RUNX1: variants seen among roughly 807,000 people sequenced by gnomAD.
RUNX1 encodes the protein runt-related transcription factor 1.
Under a neutral mutation model 42.8 loss-of-function variants are expected in RUNX1, and 19 were observed. The ratio of observed to expected loss-of-function variants is 0.44; its 90% CI spans 0.31 to 0.65. The LOEUF (loss-of-function observed/expected upper bound fraction) is 0.65, where lower values mean the gene tolerates loss of function less well. Among genes scored for constraint, RUNX1 ranks in the 30% least tolerant of loss-of-function variants. The pLI is 0.07. For missense variants in RUNX1, 528 were observed against 672.0 expected, an observed-to-expected ratio of 0.79 and a Z score of 2.37; for synonymous variants, 271 against 289.4, an observed-to-expected ratio of 0.94 and a Z score of 0.64.
At position 34,792,023 on chromosome 21, in the gene RUNX1, G is replaced by T; in HGVS notation, c.*112C>A. On this transcript the variant is annotated 3_prime_UTR_variant, in exon 9 of 9. Transcript: ENST00000675419. The surrounding 1 kb of genome is among the most constrained non-coding windows in gnomAD (Gnocchi z 6.9). ...GTCGGGCGCCCTCGGCCCCAGGACG[G>T]TGGCCGGGCCCAGGGCCCGGGATCC... is the stretch of plus-strand genomic sequence containing the variant. 1 of 669,252 alleles carries T rather than the reference G, an allele frequency of 1.5e-6. No individual in the cohort carries two copies. The highest frequency in any genetic ancestry group is 2.3e-6 in the Non-Finnish European group (1 of 443,104). The allele number at this position is 669,252 out of a possible 1,614,324, so 41.5% of individuals were successfully genotyped here. A position where few individuals can be genotyped will look rare whatever the true frequency, so the allele number is the denominator to read the frequency against.
chr21:34,931,371 T>C (rs2058444766), intron 2 of RUNX1, among the ~76,000 whole-genome samples: 1 of 146,632 alleles, frequency 6.8e-6, no homozygotes, highest in African/African-American at 2.5e-5. Context: ...TATATGTGTA[T>C]ATATAATATA....
intron 7 of RUNX1, among the ~76,000 whole-genome samples, chr21:34,818,893 C>T (rs1164172121): frequency 2.0e-5 from 3 of 152,210 alleles, no homozygotes; most frequent in Non-Finnish European, 4.4e-5. Flanking sequence ...GCCCCTCTTT[C>T]GCCTAAGTGC....
chr21:34,887,743 C>T, intron 3 of RUNX1: 1 of 1,060,844 alleles, frequency 9.4e-7, no homozygotes, highest in Non-Finnish European at 1.1e-6. Flanking sequence ...ATTTACAATA[C>T]AATCTGTGGA....
intron 2 of RUNX1, among the ~76,000 whole-genome samples, chr21:35,042,497 G>C (rs2059366276): frequency 6.6e-6 from 1 of 152,198 alleles, no homozygotes; most frequent in Non-Finnish European, 1.5e-5. Flanking sequence ...GCTGGAAAGT[G>C]ACAACTCCAT....
intron 6 of RUNX1, among the ~76,000 whole-genome samples, chr21:34,840,607 T>C (rs1347834572): frequency 1.6e-5 from 1 of 60,724 alleles, no homozygotes; most frequent in Non-Finnish European, 3.1e-5. Flanking sequence ...TTTGTCTTTT[T>C]TCAGGCAGAC....
chr21:34,998,873 C>T (rs968313378), intron 2 of RUNX1, among the ~76,000 whole-genome samples: 11 of 152,168 alleles, frequency 7.2e-5, no homozygotes, highest in South Asian at 4.1e-4. Flanking sequence ...AAACCACAAA[C>T]GCTCTCACCC....
chr21:34,845,696 TC>T (rs2057305351), intron 6 of RUNX1, among the ~76,000 whole-genome samples: 1 of 147,470 alleles, frequency 6.8e-6, no homozygotes, highest in Admixed American at 6.7e-5. Context: ...CCCGCCCCAC[TC>T]CCTTCCCAGT....
intron 6 of RUNX1, among the ~76,000 whole-genome samples, chr21:34,854,251 A>G (rs1440439680): frequency 6.6e-6 from 1 of 152,248 alleles, no homozygotes; most frequent in East Asian, 1.9e-4. Context: ...CTCATATGAC[A>G]TGATCTCAAC....
intron 2 of RUNX1, among the ~76,000 whole-genome samples, chr21:35,022,636 T>C (rs1312415684): frequency 1.3e-5 from 2 of 152,148 alleles, no homozygotes; most frequent in African/African-American, 2.4e-5. Flanking sequence ...AGCTCAGGCC[T>C]GTAATCCCAG....
intron 2 of RUNX1, among the ~76,000 whole-genome samples, chr21:34,942,175 G>A (rs986014057): frequency 1.3e-5 from 2 of 152,102 alleles, no homozygotes; most frequent in Non-Finnish European, 2.9e-5. Flanking sequence ...GTGAGCCTGT[G>A]TGCTCACAGT....
At chr21:35,030,617 C>G (rs2059266344) in intron 2 of RUNX1, among the ~76,000 whole-genome samples, 1 of 152,152 alleles carries the variant, frequency 6.6e-6, no homozygotes, top group South Asian at 2.1e-4. Context: ...AACTATAAAA[C>G]TACTGGAAGA....
chr21:35,021,950 G>C (rs1350833358), intron 2 of RUNX1, among the ~76,000 whole-genome samples: 1 of 152,192 alleles, frequency 6.6e-6, no homozygotes, highest in East Asian at 1.9e-4. Flanking sequence ...CTTCCAAAAG[G>C]GTAGGAGTTC....
At chr21:34,969,765 C>CA (rs150978735) in intron 2 of RUNX1, among the ~76,000 whole-genome samples, 5,495 of 124,620 alleles carry the variant, frequency 0.044, 199 homozygotes, top group East Asian at 0.21. Context: ...TCAGTTAAAG[C>CA]AAAAAAAAAA....
chr21:34,830,536 G>A (rs953423052), intron 7 of RUNX1, among the ~76,000 whole-genome samples: 1 of 152,088 alleles, frequency 6.6e-6, no homozygotes, highest in African/African-American at 2.4e-5. Flanking sequence ...TTGGTGATTG[G>A]GATTCTTCTC....
intron 2 of RUNX1, among the ~76,000 whole-genome samples, chr21:34,986,324 A>G (rs2058887627): frequency 1.3e-5 from 2 of 152,136 alleles, no homozygotes; most frequent in South Asian, 4.2e-4. Flanking sequence ...CTGAAAGTTG[A>G]AAGGTCAAGA....
intron 7 of RUNX1, among the ~76,000 whole-genome samples, chr21:34,824,344 T>C (rs1244504129): frequency 6.6e-6 from 1 of 152,138 alleles, no homozygotes; most frequent in Non-Finnish European, 1.5e-5. Context: ...TTGGCCAATG[T>C]TTGTTTTTAG....
chr21:34,981,723 C>A (rs114551947), intron 2 of RUNX1, among the ~76,000 whole-genome samples: 1,830 of 152,196 alleles, frequency 0.012, 31 homozygotes, highest in African/African-American at 0.041. Context: ...ATCCATTTTG[C>A]TTGATTATTC....
intron 2 of RUNX1, among the ~76,000 whole-genome samples, chr21:35,028,270 G>A (rs945955101): frequency 6.6e-6 from 1 of 152,128 alleles, no homozygotes; most frequent in African/African-American, 2.4e-5. Flanking sequence ...GGTGGGTGCC[G>A]GGAACCTGCA....
At chr21:34,794,430 C>G (rs1189750583) in intron 8 of RUNX1, among the ~76,000 whole-genome samples, 1 of 152,158 alleles carries the variant, frequency 6.6e-6, no homozygotes, top group Non-Finnish European at 1.5e-5. Context: ...CTTGAGTTCA[C>G]CTGGTATTCT....
Sources: allele counts gnomAD v4.1 joint callset (sites outside exome capture counted in the v4.1 genomes callset), GRCh38; gene constraint gnomAD v4.1.1; non-coding constraint Gnocchi (gnomAD v3.1); transcripts MANE v1.5; gene names NCBI Gene and HGNC (gene_info 2026-07-23, HGNC 2026-07-21).